Variants in BSN observed in about 807,000 individuals in gnomAD.
BSN encodes the protein bassoon presynaptic cytomatrix protein, also known as protein bassoon.
Under a neutral mutation model 264.8 loss-of-function variants are expected in BSN, and 57 were observed. The ratio of observed to expected loss-of-function variants is 0.22; its 90% CI spans 0.17 to 0.27. BSN has a LOEUF of 0.27. BSN is among the 10% of genes least tolerant of loss of function. The probability of loss-of-function intolerance (pLI) is 1.00; values close to 1 mark genes in which losing one functional copy is unlikely to be tolerated. For missense variants in BSN, 4,615 were observed against 5,232.5 expected, an observed-to-expected ratio of 0.88 and a Z score of 3.64; for synonymous variants, 2,059 against 2,137.3, an observed-to-expected ratio of 0.96 and a Z score of 1.01.
intron 1 of BSN, among the ~76,000 whole-genome samples, chr3:49,612,170 C>T (rs375777127): frequency 9.3e-4 from 136 of 146,736 alleles, no homozygotes; most frequent in African/African-American, 3.4e-3. Flanking sequence ...GAGTCTCGTT[C>T]TGTTGCCCAG....
intron 10 of BSN, 68 bp from the exon 11 acceptor site, chr3:49,665,161 G>A (rs566836613): frequency 1.6e-4 from 46 of 293,094 alleles, no homozygotes; most frequent in Non-Finnish European, 2.7e-4. Flanking sequence ...GCACTGGGCT[G>A]GCACTGGGTT....
In BSN at chr3:49,654,931, G is replaced by A. The variant is rs774808019; in HGVS notation, c.5375G>A (p.Gly1792Glu). 3 of 1,611,646 alleles carry A rather than the reference G, an allele frequency of 1.9e-6. No individual in the cohort carries two copies. The highest frequency in any genetic ancestry group is 2.7e-5 in the African/African-American group (2 of 74,874). ...GCCCCATACCGAAGTGGGCCCCGGGGAAGACCCAGGGAGGCCAAGTTTGCC... is the reference window on the plus strand; with the variant it reads ...GCCCCATACCGAAGTGGGCCCCGGGAAAGACCCAGGGAGGCCAAGTTTGCC... ...QTAPYRSGPR[G>E]RPREAKFARY... The change falls in exon 5 of 12, where the codon GGA (glycine) becomes GAA (glutamate). Residue 1792 changes from glycine to glutamate, a missense_variant. Gly to Glu is a moderately conservative substitution (Grantham distance 98, BLOSUM62 -2). Coordinates refer to ENST00000296452, the MANE Select transcript of BSN (RefSeq NM_003458.4). This position sits in a 1 kb window ranked among gnomAD's most constrained non-coding sequence, Gnocchi z 4.1.
chr3:49,602,611 A>G (rs1471951289), intron 1 of BSN, among the ~76,000 whole-genome samples: 1 of 151,890 alleles, frequency 6.6e-6, no homozygotes, highest in Non-Finnish European at 1.5e-5. Context: ...ACGCCCAGCT[A>G]ATTTTTGTAT....
intron 1 of BSN, among the ~76,000 whole-genome samples, chr3:49,600,832 C>G (rs2052068290): frequency 6.6e-6 from 1 of 152,024 alleles, no homozygotes; most frequent in Non-Finnish European, 1.5e-5. Context: ...ATAAAGGTGG[C>G]AGAGGAACCC....
chr3:49,555,109 C>G (rs1421897302), intron 1 of BSN, among the ~76,000 whole-genome samples: 1 of 152,214 alleles, frequency 6.6e-6, no homozygotes, highest in Non-Finnish European at 1.5e-5. Flanking sequence ...TCGGGCCTGA[C>G]TGCTCAGGAG....
At chr3:49,620,128 G>C (rs2052293685) in intron 1 of BSN, among the ~76,000 whole-genome samples, 1 of 152,170 alleles carries the variant, frequency 6.6e-6, no homozygotes, top group African/African-American at 2.4e-5. Flanking sequence ...AAGTGTCCCT[G>C]AAAGGATGCC....
At position 49,664,778 on chromosome 3, in the gene BSN, TCTC is replaced by T; in HGVS notation, c.11741-17_11741-15del. The T allele has an allele frequency of 6.2e-7, 1 of 1,613,870 alleles. No homozygotes were observed. The highest frequency in any genetic ancestry group is 8.5e-7 in the Non-Finnish European group (1 of 1,179,944). ...GTCTGGCCCAATTTCCTGATGGCTC[TCTC>T]CTCTTTCTTTGTCACAGCTGTCTCT... On this transcript the variant is annotated intron_variant, in intron 9 of 11. Coordinates refer to ENST00000296452, the MANE Select transcript of BSN (RefSeq NM_003458.4).
chr3:49,563,807 A>T (rs2051733370), intron 1 of BSN, among the ~76,000 whole-genome samples: 1 of 152,172 alleles, frequency 6.6e-6, no homozygotes, highest in African/African-American at 2.4e-5. Flanking sequence ...CCTTGGTGTG[A>T]ACACCCAAGA....
chr3:49,622,864 G>T (rs1267690197), intron 1 of BSN, among the ~76,000 whole-genome samples: 1 of 152,222 alleles, frequency 6.6e-6, no homozygotes, highest in African/African-American at 2.4e-5. Flanking sequence ...GGCAAAGATG[G>T]CCCTGAGGGG....
intron 1 of BSN, among the ~76,000 whole-genome samples, chr3:49,582,402 T>C (rs545328352): frequency 3.1e-4 from 47 of 152,306 alleles, no homozygotes; most frequent in Admixed American, 1.6e-3. Context: ...CTCAAATTTC[T>C]GGGCTCAAGC....
chr3:49,650,590 C>G, intron 3 of BSN, 22 bp from the exon 4 acceptor site: 1 of 1,568,498 alleles, frequency 6.4e-7, no homozygotes, highest in South Asian at 1.2e-5. Context: ...TTTCATCAAC[C>G]CCCTCTCCCA....
chr3:49,639,199 CTTTTTTT>C (rs71631022), intron 2 of BSN, among the ~76,000 whole-genome samples: 3 of 133,874 alleles, frequency 2.2e-5, no homozygotes, highest in South Asian at 2.3e-4. Flanking sequence ...CTTTCTTTTT[CTTTTTTT>C]TTTTTTTTTT....
At position 49,664,432 on chromosome 3, in the gene BSN, C is replaced by T. The variant is rs1392008421; in HGVS notation, c.11618C>T (p.Ala3873Val). Residue 3873 changes from alanine to valine, a missense_variant, in exon 9 of 12, where the codon GCT (alanine) becomes GTT (valine). By Grantham distance (64) the Ala-to-Val change is moderately conservative. Transcript: ENST00000296452. ...APGPGPAGVK[A>V]GARPGGTPGA... is the part of the protein sequence containing the mutation. Reference sequence around the variant, plus strand: ...ATTTCTTTCCTCCTAGGTGTGAAGGCTGGAGCCAGGCCTGGAGGAACCCCA... The same window carrying T: ...ATTTCTTTCCTCCTAGGTGTGAAGGTTGGAGCCAGGCCTGGAGGAACCCCA... The T allele has an allele frequency of 1.9e-6, 3 of 1,613,764 alleles. No individual in the cohort carries two copies. In the African/African-American group the frequency reaches 4.0e-5, roughly 22 times the overall value.
At chr3:49,611,718 A>G (rs1236868137) in intron 1 of BSN, among the ~76,000 whole-genome samples, 1 of 152,236 alleles carries the variant, frequency 6.6e-6, no homozygotes, top group Non-Finnish European at 1.5e-5. Context: ...TGTAGACTGG[A>G]AAGGCCAGGA....
chr3:49,666,841 A>C (rs1290001233), intron 11 of BSN, among the ~76,000 whole-genome samples: 1 of 152,202 alleles, frequency 6.6e-6, no homozygotes, highest in Non-Finnish European at 1.5e-5. Flanking sequence ...AATTTATTCT[A>C]ATTACAGTAG....
rs1173534056 is a variant in BSN at position 49,662,327 on chromosome 3, A to G, written c.10482A>G (p.Arg3494=). 1.1e-5 allele frequency: 18 copies of G among 1,612,852 alleles called. No individual in the cohort carries two copies. Among genetic ancestry groups the G allele is most frequent in the African/African-American group, 4.0e-5 (3 of 74,690 alleles). Residue 3494 remains arginine (R), a synonymous_variant, in exon 6 of 12, where the codon CGA becomes CGG. Transcript: ENST00000296452. ...TAAGTATGGCCCACAGCCGGGTACG[A>G]CCCCCCATGCGGAGCCAGGCCTCTG... ...SSLSMAHSRV[R]PPMRSQASEE...
At chr3:49,573,858 T>C (rs1442882370) in intron 1 of BSN, among the ~76,000 whole-genome samples, 1 of 152,104 alleles carries the variant, frequency 6.6e-6, no homozygotes, top group Non-Finnish European at 1.5e-5. Flanking sequence ...GGTTTCTCCA[T>C]GTTGGTCAGG....
chr3:49,566,670 CAGCT>C (rs2051754219), intron 1 of BSN, among the ~76,000 whole-genome samples: 1 of 151,746 alleles, frequency 6.6e-6, no homozygotes, highest in Non-Finnish European at 1.5e-5. Flanking sequence ...TCTGTGGTCC[CAGCT>C]ACTCGGGAGG....
chr3:49,570,189 G>C (rs2108006276), intron 1 of BSN, among the ~76,000 whole-genome samples: 1 of 152,306 alleles, frequency 6.6e-6, no homozygotes, highest in East Asian at 1.9e-4. Flanking sequence ...ACTTAGCACT[G>C]ATTGCCTGGC....
Sources: allele counts gnomAD v4.1 joint callset (sites outside exome capture counted in the v4.1 genomes callset), GRCh38; gene constraint gnomAD v4.1.1; non-coding constraint Gnocchi (gnomAD v3.1); transcripts MANE v1.5; gene names NCBI Gene and HGNC (gene_info 2026-07-23, HGNC 2026-07-21).